Variants in FRS2 observed in about 807,000 individuals in gnomAD.
FRS2 encodes the protein FGFR signalling adaptor.
In FRS2, 8 loss-of-function variants were observed where a neutral mutation model predicts 43.9. The ratio of observed to expected loss-of-function variants is 0.18; its 90% confidence interval spans 0.11 to 0.33. The LOEUF is 0.33. Ranked by LOEUF, FRS2 falls within the 10% of genes least tolerant of loss-of-function variation. The pLI is 1.00. For synonymous variants in FRS2, 219 were observed against 220.3 expected, an observed-to-expected ratio of 0.99 and a Z score of 0.05; for missense variants, 534 against 627.6, an observed-to-expected ratio of 0.85 and a Z score of 1.59.
intron 3 of FRS2, among the ~76,000 whole-genome samples, chr12:69,558,520 T>G (rs889553043): frequency 1.3e-5 from 2 of 152,188 alleles, no homozygotes; most frequent in African/African-American, 4.8e-5. Flanking sequence ...ACTACCTGGT[T>G]CTCCTGGAGG....
Position 69,576,708 on chromosome 12 carries a change from T to C in FRS2, c.*1753T>C, listed in dbSNP as rs1174022764. 1.3e-5 allele frequency: 2 copies of C among 152,380 alleles called. No individual in the cohort carries two copies. Among genetic ancestry groups the C allele is most frequent in the Non-Finnish European group, 2.9e-5 (2 of 68,030 alleles). 9.4% of individuals were successfully genotyped at this position (152,380 alleles called of 1,614,324 possible). The stretch of plus-strand genomic sequence containing the variant: ...GAAAATAAATTATTAAAGGTGTCTT[T>C]ATCGTTTTAGTGCCATTTTTAGTGT... On this transcript the variant is annotated 3_prime_UTR_variant, in exon 9 of 9. Transcript: ENST00000549921.
chr12:69,507,814 C>G (rs535292856), intron 1 of FRS2, among the ~76,000 whole-genome samples: 29 of 152,022 alleles, frequency 1.9e-4, no homozygotes, highest in African/African-American at 7.0e-4. Context: ...CACCTTAGGT[C>G]GAAAGTTCAA....
At chr12:69,513,286 C>G (rs1874650142) in intron 1 of FRS2, among the ~76,000 whole-genome samples, 1 of 151,120 alleles carries the variant, frequency 6.6e-6, no homozygotes, top group Admixed American at 6.6e-5. Context: ...TTTAGGTTGG[C>G]AGTCAACAAT....
intron 3 of FRS2, among the ~76,000 whole-genome samples, chr12:69,539,466 G>A (rs1271444894): frequency 6.6e-6 from 1 of 152,134 alleles, no homozygotes; most frequent in Non-Finnish European, 1.5e-5. Flanking sequence ...CAAAATTTAT[G>A]TTTCATATAT....
At chr12:69,497,156 T>G (rs1303642938) in intron 1 of FRS2, among the ~76,000 whole-genome samples, 1 of 152,216 alleles carries the variant, frequency 6.6e-6, no homozygotes, top group South Asian at 2.1e-4. Flanking sequence ...CCTGCACTCA[T>G]GTAGCCTACA....
intron 1 of FRS2, among the ~76,000 whole-genome samples, chr12:69,517,205 A>G (rs1442579469): frequency 1.3e-5 from 2 of 152,222 alleles, no homozygotes. Context: ...CTGAGATAGC[A>G]ACACCTTTGC....
At chr12:69,530,097 C>G (rs1388357670) in intron 1 of FRS2, among the ~76,000 whole-genome samples, 1 of 151,876 alleles carries the variant, frequency 6.6e-6, no homozygotes, top group Admixed American at 6.6e-5. Flanking sequence ...CCAACAAAAA[C>G]CCCTTCTGTG....
chr12:69,572,088 T>C (rs778706263), intron 7 of FRS2, 30 bp from the exon 8 acceptor site: 1 of 1,591,186 alleles, frequency 6.3e-7, no homozygotes, highest in Non-Finnish European at 8.6e-7. Flanking sequence ...CCCGCCCCCC[T>C]TTTCCTTAAA....
chr12:69,541,922 ATTC>A lies in FRS2; in HGVS notation c.-122+9869_-122+9871del, dbSNP rs572143481. Among the ~76,000 whole-genome samples the A allele has an allele frequency of 9.0e-4, 136 of 151,600 alleles. 1 individual carries two copies. The highest frequency in any genetic ancestry group is 3.1e-3 in the African/African-American group (129 of 41,370). The stretch of plus-strand genomic sequence containing the variant: ...ATAACTTTATGTAAAAAGTCTTCTT[ATTC>A]TTTGATGTAATTCTAACAAATTTTT... On this transcript the variant is annotated intron_variant, in intron 3 of 8. Transcript: ENST00000549921.
chr12:69,483,279 C>CAAT (rs1279762116), intron 1 of FRS2, among the ~76,000 whole-genome samples: 12 of 152,076 alleles, frequency 7.9e-5, no homozygotes, highest in Admixed American at 7.9e-4. Flanking sequence ...TTTGTGGAAA[C>CAAT]AATACCACAA....
chr12:69,556,017 G>C (rs1024062431), intron 3 of FRS2, among the ~76,000 whole-genome samples: 1 of 149,878 alleles, frequency 6.7e-6, no homozygotes, highest in Non-Finnish European at 1.5e-5. Context: ...GCGGGGGGGG[G>C]GGCGGTGTAC....
chr12:69,522,190 TTGTGTGTGTG>T (rs201103216), intron 1 of FRS2, among the ~76,000 whole-genome samples: 2,431 of 134,812 alleles, frequency 0.018, 68 homozygotes, highest in African/African-American at 0.061. Context: ...GAAGTTTTCT[TTGTGTGTGTG>T]TGTGTGTGTG....
chr12:69,567,797 C>G (rs1010514546), intron 4 of FRS2, among the ~76,000 whole-genome samples: 1 of 152,122 alleles, frequency 6.6e-6, no homozygotes, highest in Non-Finnish European at 1.5e-5. Context: ...GAAACTGCAG[C>G]TTGTTTATTC....
chr12:69,578,892 G>C lies in FRS2; in HGVS notation c.*3937G>C, dbSNP rs1172781006. ...TATGAAATATGAATTTTACCCCCAT[G>C]GTTAATTTCTTTTATAAACATTCCA... is the stretch of plus-strand genomic sequence containing the variant. On this transcript the variant is annotated 3_prime_UTR_variant, in exon 9 of 9. Coordinates refer to ENST00000549921, the MANE Select transcript of FRS2 (RefSeq NM_001278356.2). 1 of 152,356 alleles carries C rather than the reference G, an allele frequency of 6.6e-6. No individual in the cohort carries two copies. Among genetic ancestry groups the C allele is most frequent in the African/African-American group, 2.4e-5 (1 of 41,370 alleles). 9.4% of individuals were successfully genotyped at this position (152,356 alleles called of 1,614,324 possible).
Position 69,579,129 on chromosome 12 carries a change from G to A in FRS2, c.*4174G>A, listed in dbSNP as rs1173027868. The A allele has an allele frequency of 6.6e-6, 1 of 152,498 alleles. No homozygotes were observed. The highest frequency in any genetic ancestry group is 2.4e-5 in the African/African-American group (1 of 41,384). 9.4% of individuals were successfully genotyped at this position (152,498 alleles called of 1,614,324 possible). A position where few individuals can be genotyped will look rare whatever the true frequency, so the allele number is the denominator to read the frequency against. On this transcript the variant is annotated 3_prime_UTR_variant, in exon 9 of 9. Coordinates refer to ENST00000549921, the MANE Select transcript of FRS2 (RefSeq NM_001278356.2). Reference sequence around the variant, plus strand: ...CTTTGTTCTCTATTTCTCCCTATCAGTGCCAACTTCATACATTTTGTAGCA... The same window carrying A: ...CTTTGTTCTCTATTTCTCCCTATCAATGCCAACTTCATACATTTTGTAGCA...
Position 69,578,672 on chromosome 12 carries a change from T to G in FRS2, c.*3717T>G, listed in dbSNP as rs1881349522. 6.6e-6 allele frequency: 1 copy of G among 152,628 alleles called. No individual in the cohort carries two copies. The highest frequency in any genetic ancestry group is 6.5e-5 in the Admixed American group (1 of 15,276). The allele number at this position is 152,628 out of a possible 1,614,324, so 9.5% of individuals were successfully genotyped here. Reference sequence around the variant, plus strand: ...AATATACATTTTATAAAGGACAAACTTTGTGTTATGTTTTATTTTCATTAC... The same window carrying G: ...AATATACATTTTATAAAGGACAAACGTTGTGTTATGTTTTATTTTCATTAC... On this transcript the variant is annotated 3_prime_UTR_variant, in exon 9 of 9. Transcript: ENST00000549921.
intron 4 of FRS2, among the ~76,000 whole-genome samples, chr12:69,566,478 T>A (rs1452797623): frequency 6.6e-6 from 1 of 152,064 alleles, no homozygotes; most frequent in East Asian, 1.9e-4. Flanking sequence ...TTTTAAAAAA[T>A]TAAATGTTTA....
At chr12:69,511,039 ATATAC>A (rs1324079030) in intron 1 of FRS2, among the ~76,000 whole-genome samples, 4 of 152,206 alleles carry the variant, frequency 2.6e-5, no homozygotes, top group Admixed American at 6.5e-5. Context: ...TATTCTTTAA[ATATAC>A]TATAAGGTAT....
chr12:69,559,994 C>CA (rs1306512884), intron 3 of FRS2, among the ~76,000 whole-genome samples: 1 of 152,038 alleles, frequency 6.6e-6, no homozygotes, highest in African/African-American at 2.4e-5. Context: ...GCTAGTGAAC[C>CA]AAAAGAGCAC....
Sources: gnomAD v4.1 joint callset for allele counts (sites outside exome capture counted in the v4.1 genomes callset) on GRCh38, gnomAD v4.1.1 for gene constraint, MANE v1.5 for transcripts, NCBI Gene and HGNC (gene_info 2026-07-23, HGNC 2026-07-21) for gene names.